Variants in CPLX2 observed in about 807,000 individuals in gnomAD.
CPLX2 encodes complexin 2.
A neutral mutation model predicts 16.3 loss-of-function variants in CPLX2; 5 were observed. The ratio of observed to expected loss-of-function variants is 0.31; its 90% CI spans 0.16 to 0.64. The LOEUF (loss-of-function observed/expected upper bound fraction) is 0.64, where lower values mean the gene tolerates loss of function less well. Ranked by LOEUF, CPLX2 falls within the 30% of genes least tolerant of loss-of-function variation. The pLI, the probability that CPLX2 is intolerant of heterozygous loss-of-function variation, is 0.79. For missense variants in CPLX2, 144 were observed against 181.4 expected, an observed-to-expected ratio of 0.79 and a Z score of 1.18; for synonymous variants, 89 against 73.2, an observed-to-expected ratio of 1.22 and a Z score of -1.10.
intron 2 of CPLX2, among the ~76,000 whole-genome samples, chr5:175,844,487 A>C (rs1759005422): frequency 6.6e-6 from 1 of 152,206 alleles, no homozygotes; most frequent in African/African-American, 2.4e-5. Flanking sequence ...ACAGTCAACA[A>C]GGGGACAGAT....
At chr5:175,874,013 C>T (rs938761161) in intron 1 of CPLX2, among the ~76,000 whole-genome samples, 12 of 152,296 alleles carry the variant, frequency 7.9e-5, no homozygotes, top group African/African-American at 2.6e-4. Flanking sequence ...CAAGAGGTGG[C>T]ACACGAGCAG....
chr5:175,812,226 C>A (rs1176342239), intron 2 of CPLX2, among the ~76,000 whole-genome samples: 3 of 152,252 alleles, frequency 2.0e-5, no homozygotes, highest in African/African-American at 7.2e-5. Flanking sequence ...GCAGCCAGCA[C>A]AGCTCAGGCC....
At chr5:175,821,063 C>T (rs114725375) in intron 2 of CPLX2, among the ~76,000 whole-genome samples, 6 of 152,260 alleles carry the variant, frequency 3.9e-5, no homozygotes, top group Non-Finnish European at 7.4e-5. Flanking sequence ...GGCAAAAGAT[C>T]CTGGCTGCTC....
intron 2 of CPLX2, among the ~76,000 whole-genome samples, chr5:175,860,503 AAAG>A (rs1429265639): frequency 4.4e-4 from 10 of 22,756 alleles, no homozygotes; most frequent in African/African-American, 1.9e-3. Flanking sequence ...GAAAGAAAAG[AAAG>A]AAAGAAAGAA....
rs1363278037 is a variant in CPLX2, at chr5:175,882,323, G to C, written c.*2278G>C. The C allele has an allele frequency of 1.3e-5, 2 of 152,590 alleles. No homozygotes were observed. The highest frequency in any genetic ancestry group is 2.9e-5 in the Non-Finnish European group (2 of 68,052). The allele number at this position is 152,590 out of a possible 1,614,324, so 9.5% of individuals were successfully genotyped here. On this transcript the variant is annotated 3_prime_UTR_variant, in exon 4 of 4. Transcript: ENST00000393745. The stretch of plus-strand genomic sequence containing the variant: ...GCAGGGCCCAGTCCAGGGGCCCCAG[G>C]CCTCCCCAGTCCCAGTGTGCGAGCC...
rs1755556270 is a variant in CPLX2, at chr5:175,880,355, C to A, written c.*310C>A. 3 of 431,640 alleles carry A rather than the reference C, an allele frequency of 7.0e-6. No individual in the cohort carries two copies. In the Admixed American group the frequency reaches 1.1e-4, roughly 15 times the overall value. 26.7% of individuals were successfully genotyped at this position (431,640 alleles called of 1,614,324 possible). A position where few individuals can be genotyped will look rare whatever the true frequency, so the allele number is the denominator to read the frequency against. On this transcript the variant is annotated 3_prime_UTR_variant, in exon 4 of 4. Coordinates refer to ENST00000393745, the MANE Select transcript of CPLX2 (RefSeq NM_001008220.2). ...TGACCCCCATACATTCCTCCCTGCTCCCCACTGCCAGGAGGACCACTGTCC... is the reference window on the plus strand; with the variant it reads ...TGACCCCCATACATTCCTCCCTGCTACCCACTGCCAGGAGGACCACTGTCC...
chr5:175,804,480 G>T (rs1485124321), intron 1 of CPLX2, among the ~76,000 whole-genome samples: 1 of 152,168 alleles, frequency 6.6e-6, no homozygotes, highest in Non-Finnish European at 1.5e-5. Context: ...AGCCTAGTAA[G>T]GTGCATTGCC....
chr5:175,874,000 G>A (rs552184537), intron 1 of CPLX2, among the ~76,000 whole-genome samples: 5 of 152,342 alleles, frequency 3.3e-5, no homozygotes, highest in African/African-American at 1.2e-4. Flanking sequence ...GCAGAGCCCT[G>A]TGCAAGAGGT....
rs1478507964 is a variant in CPLX2 at position 175,878,784 on chromosome 5, C to G, written c.31+14C>G. On this transcript the variant is annotated intron_variant, in intron 2 of 3. Transcript: ENST00000393745. ...AGGCCCTTGGAGGTGAGGTCCAGCG[C>G]CCCTCCGCGTGTCCTCAGCCGGTCC... 1 of 1,612,892 alleles carries G rather than the reference C, an allele frequency of 6.2e-7. No homozygotes were observed. The highest frequency in any genetic ancestry group is 8.5e-7 in the Non-Finnish European group (1 of 1,179,688).
chr5:175,847,446 C>CACG (rs1759066849), intron 2 of CPLX2, among the ~76,000 whole-genome samples: 1 of 152,198 alleles, frequency 6.6e-6, no homozygotes, highest in Admixed American at 6.5e-5. Flanking sequence ...CCTAGTCCAT[C>CACG]ACGACGTGCC....
chr5:175,817,642 T>C (rs1758433126), intron 2 of CPLX2, among the ~76,000 whole-genome samples: 1 of 152,222 alleles, frequency 6.6e-6, no homozygotes, highest in South Asian at 2.1e-4. Context: ...GAGGGTCTGA[T>C]GTCCCTAGGG....
At chr5:175,819,462 C>G (rs1248129435) in intron 2 of CPLX2, among the ~76,000 whole-genome samples, 2 of 152,146 alleles carry the variant, frequency 1.3e-5, no homozygotes, top group Non-Finnish European at 2.9e-5. Flanking sequence ...GGAGTGGTGC[C>G]GTTGGAATTT....
intron 2 of CPLX2, among the ~76,000 whole-genome samples, chr5:175,828,520 T>G (rs1758665049): frequency 6.6e-6 from 1 of 152,206 alleles, no homozygotes; most frequent in African/African-American, 2.4e-5. Flanking sequence ...AGTGAGCTCC[T>G]CATTCCTGGA....
chr5:175,816,687 G>A (rs1758416092), intron 2 of CPLX2, among the ~76,000 whole-genome samples: 1 of 152,224 alleles, frequency 6.6e-6, no homozygotes, highest in South Asian at 2.1e-4. Context: ...GAGGCAGCCA[G>A]GAACCAGAGG....
intron 2 of CPLX2, among the ~76,000 whole-genome samples, chr5:175,816,172 C>G (rs1758403277): frequency 6.6e-6 from 1 of 151,772 alleles, no homozygotes; most frequent in Non-Finnish European, 1.5e-5. Flanking sequence ...CTCACAGTCA[C>G]TCTTTTTTTT....
intron 2 of CPLX2, among the ~76,000 whole-genome samples, chr5:175,852,160 A>G (rs1009141723): frequency 6.6e-6 from 1 of 152,174 alleles, no homozygotes; most frequent in Non-Finnish European, 1.5e-5. Context: ...AGGCAGTCCA[A>G]CTCCAGGAAC....
chr5:175,827,682 C>A (rs1239599669), intron 2 of CPLX2, among the ~76,000 whole-genome samples: 1 of 152,196 alleles, frequency 6.6e-6, no homozygotes, highest in Non-Finnish European at 1.5e-5. Flanking sequence ...ATCGCTTGAA[C>A]ACAGGAGGCA....
At chr5:175,804,413 T>C (rs900706445) in intron 1 of CPLX2, among the ~76,000 whole-genome samples, 1 of 152,180 alleles carries the variant, frequency 6.6e-6, no homozygotes, top group African/African-American at 2.4e-5. Context: ...GAGGTGATAC[T>C]GGGCCTGTAC....
chr5:175,815,296 A>C (rs1405260527), intron 2 of CPLX2, among the ~76,000 whole-genome samples: 1 of 151,982 alleles, frequency 6.6e-6, no homozygotes, highest in Non-Finnish European at 1.5e-5. Flanking sequence ...CCAGGGCTGA[A>C]AAGGATCTGC....
Sources: gnomAD v4.1 joint callset for allele counts (sites outside exome capture counted in the v4.1 genomes callset) on GRCh38, gnomAD v4.1.1 for gene constraint, MANE v1.5 for transcripts, NCBI Gene and HGNC (gene_info 2026-07-23, HGNC 2026-07-21) for gene names.